IL7: variants seen among roughly 807,000 people sequenced by gnomAD.
IL7 encodes the protein interleukin-7.
IL7 carries 3 observed loss-of-function variants against 21.6 expected under a neutral mutation model. The observed-to-expected ratio is 0.14, with a 90% CI of 0.06 to 0.36. IL7 has a LOEUF of 0.36. Among genes scored for constraint, IL7 ranks in the 10% least tolerant of loss-of-function variants. The probability of loss-of-function intolerance (pLI) is 1.00; values close to 1 mark genes in which losing one functional copy is unlikely to be tolerated. For synonymous variants in IL7, 62 were observed against 68.1 expected (o/e 0.91, Z 0.44); for missense variants, 175 against 200.2 (o/e 0.87, Z 0.76).
In IL7 at chr8:78,737,509, A is replaced by C. The variant is rs115479507; in HGVS notation, c.361-982T>G. ...TCTAGGGGACAAACGTAAGGACGCA[A>C]GTTTGGAAATAAGTTTGGCAAATCC... On this transcript the variant is annotated intron_variant, in intron 4 of 5. Transcript: ENST00000263851. Among the ~76,000 whole-genome samples the C allele has an allele frequency of 8.7e-3, 1,330 of 152,266 alleles. 22 individuals are homozygous for C. Among genetic ancestry groups the C allele is most frequent in the African/African-American group, 0.03 (1,233 of 41,574 alleles).
intron 2 of IL7, among the ~76,000 whole-genome samples, chr8:78,765,577 A>G (rs1586083644): frequency 6.6e-6 from 1 of 152,258 alleles, no homozygotes; most frequent in East Asian, 1.9e-4. Flanking sequence ...AGCATATGAA[A>G]CGTTATTCAA....
At chr8:78,700,098 C>T (rs2130556094) in intron 3 of IL7, among the ~76,000 whole-genome samples, 1 of 152,268 alleles carries the variant, frequency 6.6e-6, no homozygotes, top group South Asian at 2.1e-4. Context: ...TATAAGCATT[C>T]CTTTTTTCTC....
intron 2 of IL7, among the ~76,000 whole-genome samples, chr8:78,743,149 T>G (rs1270902007): frequency 1.3e-5 from 2 of 152,170 alleles, no homozygotes; most frequent in Non-Finnish European, 2.9e-5. Context: ...TTGATGGCCA[T>G]TTAGTTTGAT....
intron 4 of IL7, among the ~76,000 whole-genome samples, chr8:78,682,134 C>T (rs539284844): frequency 6.6e-6 from 1 of 152,134 alleles, no homozygotes; most frequent in East Asian, 1.9e-4. Context: ...TTGGGTATCT[C>T]AATAATATTA....
At chr8:78,689,658 A>G (rs190145587) in intron 3 of IL7, among the ~76,000 whole-genome samples, 14 of 152,042 alleles carry the variant, frequency 9.2e-5, no homozygotes, top group African/African-American at 2.9e-4. Context: ...AACATTATAT[A>G]TATGTATACA....
chr8:78,761,805 G>A, intron 2 of IL7: 2 of 1,611,972 alleles, frequency 1.2e-6, no homozygotes, highest in South Asian at 1.1e-5. Flanking sequence ...GAATTTATCC[G>A]ACACTCCAGT....
At chr8:78,728,252 C>CT (rs973643573), downstream of IL7, among the ~76,000 whole-genome samples, 8 of 151,960 alleles carry the variant, frequency 5.3e-5, no homozygotes, top group Admixed American at 2.0e-4. Flanking sequence ...TTCCAACAAG[C>CT]TTTTTTTACT....
chr8:78,747,472 T>C (rs1191720077), intron 2 of IL7, among the ~76,000 whole-genome samples: 1 of 152,208 alleles, frequency 6.6e-6, no homozygotes, highest in Non-Finnish European at 1.5e-5. Context: ...AACCTATCCA[T>C]GGCCTTGTGC....
intron 3 of IL7, among the ~76,000 whole-genome samples, chr8:78,691,448 C>T (rs1810208156): frequency 1.3e-5 from 2 of 151,864 alleles, no homozygotes; most frequent in African/African-American, 4.8e-5. Context: ...ATGCTCACTT[C>T]TTTTCTCTCT....
At chr8:78,681,371 A>G (rs1219891761) in intron 4 of IL7, among the ~76,000 whole-genome samples, 1 of 152,246 alleles carries the variant, frequency 6.6e-6, no homozygotes, top group Non-Finnish European at 1.5e-5. Flanking sequence ...GCAGAACATC[A>G]GTAGATGAGT....
chr8:78,760,801 C>G, intron 2 of IL7: 1 of 1,532,738 alleles, frequency 6.5e-7, no homozygotes, highest in Non-Finnish European at 8.8e-7. Context: ...GTTTGGTTGC[C>G]AAATTTGTGG....
At chr8:78,788,668 C>T (rs1352706564) in intron 2 of IL7, among the ~76,000 whole-genome samples, 1 of 151,990 alleles carries the variant, frequency 6.6e-6, no homozygotes, top group Admixed American at 6.6e-5. Context: ...GGGGAATATT[C>T]CATGTGAGTC....
chr8:78,752,558 G>A (rs1485601077), intron 2 of IL7, among the ~76,000 whole-genome samples: 2 of 151,916 alleles, frequency 1.3e-5, no homozygotes, highest in African/African-American at 4.8e-5. Context: ...TTGGCCATTT[G>A]TATGTTTTAG....
intron 2 of IL7, chr8:78,760,862 T>C: frequency 6.4e-7 from 1 of 1,561,550 alleles, no homozygotes; most frequent in Non-Finnish European, 8.7e-7. Context: ...CATCACTTCG[T>C]TGAGTGAATG....
intron 3 of IL7, among the ~76,000 whole-genome samples, chr8:78,699,715 C>G (rs976700816): frequency 1.3e-5 from 2 of 152,092 alleles, no homozygotes; most frequent in African/African-American, 2.4e-5. Context: ...TGAGAACATG[C>G]AGTATTTGGT....
rs1221566196 is a variant in IL7 at position 78,733,730 on chromosome 8, C to T, written c.517G>A (p.Gly173Ser). Residue 173 changes from glycine to serine, a missense_variant, in exon 6 of 6, where the codon GGC (glycine) becomes AGC (serine). Physicochemically the swap from Gly to Ser is moderately conservative, Grantham distance 56 (BLOSUM62 0). Transcript: ENST00000263851. ...IKTCWNKILMGTKEH is the reference protein window; with the variant it reads ...IKTCWNKILMSTKEH ...CATATTTTTCAGTGTTCTTTAGTGC[C>T]CATCAAAATTTTATTCCAACAAGTT... 2 of 1,598,140 alleles carry T rather than the reference C, an allele frequency of 1.3e-6. No individual in the cohort carries two copies. The highest frequency in any genetic ancestry group is 1.7e-6 in the Non-Finnish European group (2 of 1,174,652).
intron 2 of IL7, among the ~76,000 whole-genome samples, chr8:78,751,639 C>T (rs1263326186): frequency 6.6e-6 from 1 of 152,098 alleles, no homozygotes; most frequent in Non-Finnish European, 1.5e-5. Context: ...TTTTAGTTGA[C>T]ACAATAGTCG....
At chr8:78,675,876 A>G (rs1205461187) in exon 5 of IL7, 32 of 1,601,334 alleles carry the variant, frequency 2.0e-5, no homozygotes, top group African/African-American at 2.7e-5. Flanking sequence ...GAGTAGACTG[A>G]TTTTGTACCT....
intron 1 of IL7, among the ~76,000 whole-genome samples, chr8:78,800,691 T>G (rs1162893006): frequency 6.6e-6 from 1 of 152,144 alleles, no homozygotes; most frequent in African/African-American, 2.4e-5. Context: ...TAATCAGATT[T>G]GTATAGATTG....
Sources: gnomAD v4.1 joint callset for allele counts (sites outside exome capture counted in the v4.1 genomes callset) on GRCh38, gnomAD v4.1.1 for gene constraint, MANE v1.5 for transcripts, NCBI Gene and HGNC (gene_info 2026-07-23, HGNC 2026-07-21) for gene names.